Variants in PTPRA observed in about 807,000 individuals in gnomAD.
PTPRA encodes the protein protein tyrosine phosphatase receptor type A, also known as receptor-type tyrosine-protein phosphatase alpha.
In PTPRA, 25 loss-of-function variants were observed where a neutral mutation model predicts 104.8. That is an observed-to-expected ratio of 0.24 (90% CI 0.17 to 0.33). The LOEUF is 0.33. PTPRA is among the 10% of genes least tolerant of loss of function. PTPRA has a pLI of 1.00. For synonymous variants in PTPRA, 323 were observed against 368.9 expected (o/e 0.88, Z 1.43); for missense variants, 765 against 1,015.3 (o/e 0.75, Z 3.35).
chr20:3,018,123 T>G (rs942736477), intron 13 of PTPRA, among the ~76,000 whole-genome samples: 21 of 152,364 alleles, frequency 1.4e-4, no homozygotes, highest in African/African-American at 5.0e-4. Context: ...TATTTGGTAG[T>G]CAAACAACTC....
Position 3,015,901 on chromosome 20 carries a change from C to CT in PTPRA, c.943+22dup. On this transcript the variant is annotated intron_variant, in intron 12 of 23. Coordinates refer to ENST00000399903, the MANE Select transcript of PTPRA (RefSeq NM_001385305.1). The stretch of plus-strand genomic sequence containing the variant: ...GCTGCACAAGGTAAAGTAATGACAA[C>CT]TTTTTTCTGTTAGATTTAACCATGA... 1 of 1,551,082 alleles carries CT rather than the reference C, an allele frequency of 6.4e-7. No homozygotes were observed. The highest frequency in any genetic ancestry group is 8.9e-7 in the Non-Finnish European group (1 of 1,123,332).
intron 1 of PTPRA, among the ~76,000 whole-genome samples, chr20:2,892,220 T>C (rs1401738332): frequency 6.8e-6 from 1 of 147,552 alleles, no homozygotes; most frequent in Non-Finnish European, 1.5e-5. Flanking sequence ...AACCTGGGAG[T>C]TGAAGGTTGC....
chr20:2,992,944 G>A (rs1337204022), intron 9 of PTPRA, among the ~76,000 whole-genome samples: 1 of 152,338 alleles, frequency 6.6e-6, no homozygotes, highest in East Asian at 1.9e-4. Flanking sequence ...AATTAGCTGG[G>A]CATGGTGGTA....
chr20:2,991,554 A>G (rs2063176290), intron 9 of PTPRA, among the ~76,000 whole-genome samples: 1 of 152,152 alleles, frequency 6.6e-6, no homozygotes, highest in South Asian at 2.1e-4. Context: ...TTTCCATAAC[A>G]TTAAATTTAC....
chr20:2,954,819 T>C (rs2061478727), intron 3 of PTPRA, among the ~76,000 whole-genome samples: 4 of 152,228 alleles, frequency 2.6e-5, no homozygotes, highest in Admixed American at 1.3e-4. Flanking sequence ...CTGAGTTTTA[T>C]AGTTTTAGGA....
chr20:3,019,917 T>A (rs1188816895), intron 13 of PTPRA, among the ~76,000 whole-genome samples: 1 of 151,790 alleles, frequency 6.6e-6, no homozygotes, highest in Non-Finnish European at 1.5e-5. Context: ...ACCAAAAAAA[T>A]ACGAAAACCA....
intron 9 of PTPRA, among the ~76,000 whole-genome samples, chr20:3,001,781 G>A (rs2063639461): frequency 6.6e-6 from 1 of 152,128 alleles, no homozygotes; most frequent in African/African-American, 2.4e-5. Flanking sequence ...AACCTCCAGG[G>A]TTTTAATCTG....
rs1158197151 is a variant in PTPRA at position 2,947,982 on chromosome 20, GAC to G, written c.-45_-44del. 1 of 1,085,690 alleles carries G rather than the reference GAC, an allele frequency of 9.2e-7. No individual in the cohort carries two copies. Among genetic ancestry groups the G allele is most frequent in the African/African-American group, 1.6e-5 (1 of 61,098 alleles). 67.3% of individuals were successfully genotyped at this position (1,085,690 alleles called of 1,614,324 possible). ...CTGTTTTTTATTTCTTTTTTTCTAG[GAC>G]ACATGTTCAAAGAGCATAATTAACT... On this transcript the variant is annotated splice_region_variant and 5_prime_UTR_variant, in exon 3 of 24. It adds an upstream start codon to the 5' untranslated region. Transcript: ENST00000399903.
At chr20:2,882,291 T>C (rs2090099364) in intron 1 of PTPRA, among the ~76,000 whole-genome samples, 2 of 141,550 alleles carry the variant, frequency 1.4e-5, no homozygotes, top group Admixed American at 1.4e-4. Flanking sequence ...TTTCTTTCTT[T>C]CTTTCTTTTT....
chr20:2,878,356 A>G lies in PTPRA; in HGVS notation c.-129+4596A>G, dbSNP rs117693842. Among the ~76,000 whole-genome samples, 956 of 152,218 alleles carry G rather than the reference A, an allele frequency of 6.3e-3. 33 individuals are homozygous for G. The East Asian group carries it at 0.079, about 13-fold the overall frequency. Reference sequence around the variant, plus strand: ...GCCACCTGAATAGCTGGGACTGCACAGGTCTGTGCCACCACGACCAGCTAA... The same window carrying G: ...GCCACCTGAATAGCTGGGACTGCACGGGTCTGTGCCACCACGACCAGCTAA... On this transcript the variant is annotated intron_variant, in intron 1 of 23. Coordinates refer to ENST00000399903, the MANE Select transcript of PTPRA (RefSeq NM_001385305.1).
chr20:2,959,137 C>T (rs1214808249), intron 3 of PTPRA, among the ~76,000 whole-genome samples: 1 of 152,136 alleles, frequency 6.6e-6, no homozygotes, highest in East Asian at 1.9e-4. Context: ...GGATATAGTA[C>T]CTGTTAGTGA....
intron 20 of PTPRA, among the ~76,000 whole-genome samples, chr20:3,028,326 T>C (rs2065251271): frequency 6.6e-6 from 1 of 152,208 alleles, no homozygotes; most frequent in Admixed American, 6.5e-5. Context: ...TGAGAAATTA[T>C]ACAAACAAGA....
chr20:2,928,508 G>A (rs758014150), intron 2 of PTPRA, among the ~76,000 whole-genome samples: 1 of 152,132 alleles, frequency 6.6e-6, no homozygotes, highest in Non-Finnish European at 1.5e-5. Flanking sequence ...TGAAGTCATT[G>A]CTCCATTTCT....
chr20:3,007,296 G>A, intron 10 of PTPRA, 48 bp from the exon 11 acceptor site: 1 of 1,570,430 alleles, frequency 6.4e-7, no homozygotes, highest in Non-Finnish European at 8.8e-7. Context: ...CAGGTTCTGT[G>A]AGAAATAAAT....
Position 3,012,775 on chromosome 20 carries a change from C to CACTT in PTPRA, c.907-3072_907-3069dup, listed in dbSNP as rs1439520390. 5.1e-4 allele frequency among the ~76,000 whole-genome samples: 78 copies of CACTT among 152,354 alleles called. 1 individual carries two copies. The South Asian group carries it at 0.016, about 30-fold the overall frequency. ...ATCCTTTTTGTGGGCTGCTAGTTAA[C>CACTT]ACTTATCAAACCCTTTTTTTCCCCT... On this transcript the variant is annotated intron_variant, in intron 11 of 23. Transcript: ENST00000399903.
intron 9 of PTPRA, among the ~76,000 whole-genome samples, chr20:3,004,509 T>G (rs546959570): frequency 6.6e-6 from 1 of 152,294 alleles, no homozygotes; most frequent in East Asian, 1.9e-4. Context: ...CTGCTGCATC[T>G]ATATGAATGC....
upstream of PTPRA, among the ~76,000 whole-genome samples, chr20:2,873,012 T>C (rs556137034): frequency 6.6e-6 from 1 of 152,096 alleles, no homozygotes; most frequent in East Asian, 1.9e-4. This position sits in a 1 kb window ranked among gnomAD's most constrained non-coding sequence, Gnocchi z 4.4. Flanking sequence ...CTTGGCAGGT[T>C]CCTCTCCCTC....
chr20:2,921,767 A>T (rs1214107858), intron 1 of PTPRA, among the ~76,000 whole-genome samples: 1 of 152,202 alleles, frequency 6.6e-6, no homozygotes, highest in African/African-American at 2.4e-5. Context: ...ATAGGGAGCC[A>T]TCAGACTGCA....
At chr20:3,002,913 CCTT>C (rs1280932051) in intron 9 of PTPRA, among the ~76,000 whole-genome samples, 1 of 152,168 alleles carries the variant, frequency 6.6e-6, no homozygotes, top group African/African-American at 2.4e-5. Context: ...ATCAACCTCA[CCTT>C]CTGCGTGATA....
Sources: gnomAD v4.1 joint callset for allele counts (sites outside exome capture counted in the v4.1 genomes callset) on GRCh38, gnomAD v4.1.1 for gene constraint, Gnocchi (gnomAD v3.1) non-coding constraint, MANE v1.5 for transcripts, NCBI Gene and HGNC (gene_info 2026-07-23, HGNC 2026-07-21) for gene names.